Variants in NAV3 observed in about 807,000 individuals in gnomAD.
NAV3 encodes pore membrane and/or filament interacting like protein 1.
In NAV3, 87 loss-of-function variants were observed where a neutral mutation model predicts 244.7. The observed-to-expected ratio is 0.36, with a 90% CI of 0.30 to 0.42. The LOEUF (loss-of-function observed/expected upper bound fraction) is 0.42, where lower values mean the gene tolerates loss of function less well. NAV3 is among the 20% of genes least tolerant of loss of function. The pLI, the probability that NAV3 is intolerant of heterozygous loss-of-function variation, is 1.00. For missense variants in NAV3, 2,663 were observed against 2,893.3 expected (o/e 0.92, Z 1.83); for synonymous variants, 1,126 against 1,042.2 (o/e 1.08, Z -1.55).
intron 9 of NAV3, among the ~76,000 whole-genome samples, chr12:78,033,883 A>G (rs1879408474): frequency 6.6e-6 from 1 of 152,156 alleles, no homozygotes; most frequent in African/African-American, 2.4e-5. Flanking sequence ...CTGAGCAGAA[A>G]CTTAAGAGCC....
chr12:78,189,518 A>G (rs1958876906), intron 33 of NAV3, among the ~76,000 whole-genome samples: 2 of 151,372 alleles, frequency 1.3e-5, no homozygotes, highest in Non-Finnish European at 3.0e-5. Context: ...GAGAATAAGG[A>G]GATGGGGTGA....
chr12:78,181,106 C>T (rs1958480082), intron 30 of NAV3, 61 bp downstream of exon 30: 1 of 1,512,194 alleles, frequency 6.6e-7, no homozygotes, highest in South Asian at 1.2e-5. Context: ...GGGTGGGAAG[C>T]CTGGAATTTG....
chr12:78,030,720 A>C (rs1878833584), intron 9 of NAV3, among the ~76,000 whole-genome samples: 1 of 152,182 alleles, frequency 6.6e-6, no homozygotes, highest in South Asian at 2.1e-4. Context: ...CAAATAGATA[A>C]AATTTAACAC....
At chr12:77,908,675 G>A (rs1195839097) in intron 1 of NAV3, among the ~76,000 whole-genome samples, 3 of 151,942 alleles carry the variant, frequency 2.0e-5, no homozygotes, top group Non-Finnish European at 4.4e-5. Flanking sequence ...CTGGCTTAGA[G>A]ATCATTAAAA....
intron 4 of NAV3, among the ~76,000 whole-genome samples, chr12:77,967,365 C>A (rs1892609878): frequency 6.6e-6 from 1 of 152,082 alleles, no homozygotes; most frequent in Middle Eastern, 3.2e-3. Flanking sequence ...TTAACACTCT[C>A]TCACTGTAGC....
intron 2 of NAV3, among the ~76,000 whole-genome samples, chr12:77,653,604 T>A (rs1872928935): frequency 6.6e-6 from 1 of 152,240 alleles, no homozygotes; most frequent in Non-Finnish European, 1.5e-5. Flanking sequence ...CATATAACAC[T>A]ATTGATTTGT....
intron 1 of NAV3, among the ~76,000 whole-genome samples, chr12:77,849,912 G>A (rs1331996488): frequency 1.3e-5 from 2 of 152,038 alleles, no homozygotes; most frequent in Non-Finnish European, 2.9e-5. Flanking sequence ...GATCTTCTAA[G>A]ACAAGTGTCT....
intron 1 of NAV3, among the ~76,000 whole-genome samples, chr12:77,848,614 T>A (rs559292959): frequency 9.2e-5 from 14 of 152,330 alleles, no homozygotes; most frequent in Non-Finnish European, 1.5e-4. Context: ...CACAGGAACT[T>A]TATCCTCCAC....
chr12:78,076,384 C>T (rs558025168), intron 12 of NAV3, among the ~76,000 whole-genome samples: 1 of 152,268 alleles, frequency 6.6e-6, no homozygotes, highest in South Asian at 2.1e-4. Context: ...AGTTGTGTGT[C>T]AATCTTATAA....
intron 9 of NAV3, among the ~76,000 whole-genome samples, chr12:78,026,892 G>A (rs1457062590): frequency 6.6e-6 from 1 of 152,220 alleles, no homozygotes; most frequent in Middle Eastern, 3.4e-3. Context: ...GAGGAAAACA[G>A]TAAACAGAAA....
intron 2 of NAV3, among the ~76,000 whole-genome samples, chr12:77,589,696 C>G (rs1197656298): frequency 6.6e-6 from 1 of 152,252 alleles, no homozygotes; most frequent in Non-Finnish European, 1.5e-5. Context: ...CACCAGTTCC[C>G]TCCCACCACA....
chr12:77,847,925 G>A (rs1876903651), intron 1 of NAV3, among the ~76,000 whole-genome samples: 1 of 152,162 alleles, frequency 6.6e-6, no homozygotes, highest in Non-Finnish European at 1.5e-5. Flanking sequence ...TGTCTGTCTT[G>A]TCTTTTACTT....
chr12:78,173,235 C>T (rs1958078380), intron 24 of NAV3, among the ~76,000 whole-genome samples: 1 of 151,516 alleles, frequency 6.6e-6, no homozygotes, highest in South Asian at 2.1e-4. Context: ...TCCTTCATTT[C>T]ACAATATTAT....
intron 2 of NAV3, among the ~76,000 whole-genome samples, chr12:77,824,891 CAAA>C (rs202041359): frequency 9.5e-4 from 96 of 100,974 alleles, no homozygotes; most frequent in African/African-American, 3.8e-3. Context: ...GACTCCGTCT[CAAA>C]AACAACAACA....
intron 25 of NAV3, among the ~76,000 whole-genome samples, chr12:78,176,033 A>ATCTTT (rs1339855020): frequency 2.6e-5 from 4 of 152,048 alleles, no homozygotes; most frequent in African/African-American, 9.7e-5. Context: ...CCTAAAAGAA[A>ATCTTT]TCAACCACAT....
At chr12:77,989,039 T>C (rs930547088) in intron 5 of NAV3, among the ~76,000 whole-genome samples, 3 of 152,030 alleles carry the variant, frequency 2.0e-5, no homozygotes, top group African/African-American at 7.2e-5. Context: ...ATGTGAAAAT[T>C]TGAAAGAAAA....
At chr12:77,957,898 TC>T (rs1891518173) in intron 3 of NAV3, among the ~76,000 whole-genome samples, 1 of 152,160 alleles carries the variant, frequency 6.6e-6, no homozygotes, top group Non-Finnish European at 1.5e-5. Flanking sequence ...ACTCCTTACC[TC>T]AGGTTGTCTG....
intron 24 of NAV3, among the ~76,000 whole-genome samples, chr12:78,170,341 T>C (rs1429311771): frequency 6.6e-6 from 1 of 151,692 alleles, no homozygotes; most frequent in Non-Finnish European, 1.5e-5. Context: ...ATTACCAAGA[T>C]CCGTTGATCC....
At chr12:77,735,839 C>T (rs1482689404) in intron 2 of NAV3, among the ~76,000 whole-genome samples, 2 of 152,054 alleles carry the variant, frequency 1.3e-5, no homozygotes, top group Non-Finnish European at 2.9e-5. Context: ...CGCAACACAC[C>T]ATGAGCTTAA....
Sources: allele counts gnomAD v4.1 joint callset (sites outside exome capture counted in the v4.1 genomes callset), GRCh38; gene constraint gnomAD v4.1.1; transcripts MANE v1.5; gene names NCBI Gene and HGNC (gene_info 2026-07-23, HGNC 2026-07-21).